The following MAP4K3 variants were observed in gnomAD, a reference collection of about 807,000 sequenced individuals.
MAP4K3 encodes the protein MAPK/ERK kinase kinase kinase 3.
MAP4K3 carries 94 observed loss-of-function variants against 143.5 expected under a neutral mutation model. That is an observed-to-expected ratio of 0.65 (90% CI 0.55 to 0.78). MAP4K3 has a LOEUF of 0.78. Among genes scored for constraint, MAP4K3 ranks in the 30% least tolerant of loss-of-function variants. MAP4K3 has a pLI of 0.00. For synonymous variants in MAP4K3, 416 were observed against 347.2 expected (o/e 1.20, Z -2.20); for missense variants, 1,077 against 1,068.1 (o/e 1.01, Z -0.12).
chr2:39,349,848 A>AT (rs923432249), intron 3 of MAP4K3, among the ~76,000 whole-genome samples: 16 of 152,236 alleles, frequency 1.1e-4, no homozygotes, highest in African/African-American at 2.2e-4. Context: ...CAATACACCC[A>AT]TTTTTTTACA....
chr2:39,297,627 G>A (rs1682337237), intron 16 of MAP4K3, among the ~76,000 whole-genome samples: 1 of 152,108 alleles, frequency 6.6e-6, no homozygotes, highest in Admixed American at 6.5e-5. Flanking sequence ...ACCCGTCAAT[G>A]GAAATCTGTC....
chr2:39,340,114 C>A lies in MAP4K3; in HGVS notation c.311-2533G>T, dbSNP rs1382847275. 2.0e-5 allele frequency among the ~76,000 whole-genome samples: 3 copies of A among 152,082 alleles called. No homozygotes were observed. The East Asian group carries it at 5.8e-4, about 29-fold the overall frequency. Reference sequence around the variant, plus strand: ...AATAAAAGTTAAAGGGGAAACCTTGCAAGCACTAGGATTATTAAAAGAACT... The same window carrying A: ...AATAAAAGTTAAAGGGGAAACCTTGAAAGCACTAGGATTATTAAAAGAACT... On this transcript the variant is annotated intron_variant, in intron 4 of 33. Coordinates refer to ENST00000263881, the MANE Select transcript of MAP4K3 (RefSeq NM_003618.4).
chr2:39,381,253 T>A (rs1666349523), intron 1 of MAP4K3, among the ~76,000 whole-genome samples: 2 of 152,242 alleles, frequency 1.3e-5, no homozygotes, highest in African/African-American at 2.4e-5. Context: ...TGTACACATT[T>A]TTGTGTGGAC....
intron 6 of MAP4K3, among the ~76,000 whole-genome samples, chr2:39,334,026 A>T (rs1683778523): frequency 6.8e-6 from 1 of 147,602 alleles, no homozygotes; most frequent in Admixed American, 6.9e-5. Flanking sequence ...CCTTTCTAGG[A>T]ACTCACCATC....
intron 29 of MAP4K3, 31 bp from the exon 30 acceptor site, chr2:39,258,618 CA>C: frequency 6.9e-7 from 1 of 1,447,492 alleles, no homozygotes; most frequent in Non-Finnish European, 9.7e-7. Context: ...GGTAAACCTA[CA>C]GAAACTGTGA....
intron 4 of MAP4K3, among the ~76,000 whole-genome samples, chr2:39,339,821 C>T (rs1056096436): frequency 2.0e-5 from 3 of 151,794 alleles, no homozygotes; most frequent in African/African-American, 4.8e-5. Flanking sequence ...AACAACAACC[C>T]AAAAAACAAA....
At chr2:39,412,301 C>T (rs918747801) in intron 1 of MAP4K3, among the ~76,000 whole-genome samples, 13 of 152,176 alleles carry the variant, frequency 8.5e-5, no homozygotes, top group African/African-American at 2.4e-4. Context: ...TTCAGCTATA[C>T]GCTGAACAGC....
intron 1 of MAP4K3, among the ~76,000 whole-genome samples, chr2:39,417,771 G>A (rs1232645947): frequency 6.6e-6 from 1 of 152,124 alleles, no homozygotes; most frequent in African/African-American, 2.4e-5. Context: ...CATACTCAGA[G>A]CCCAGATCTT....
intron 1 of MAP4K3, among the ~76,000 whole-genome samples, chr2:39,386,307 C>A (rs1270066619): frequency 6.6e-6 from 1 of 152,228 alleles, no homozygotes; most frequent in Non-Finnish European, 1.5e-5. Context: ...GCCTCCAGAA[C>A]TATGAGAAAA....
intron 15 of MAP4K3, among the ~76,000 whole-genome samples, chr2:39,306,998 G>A (rs1040993798): frequency 6.6e-6 from 1 of 152,184 alleles, no homozygotes; most frequent in Non-Finnish European, 1.5e-5. Context: ...TGTCCAATAG[G>A]ACAGCAACCT....
At chr2:39,415,894 A>G (rs1667355342) in intron 1 of MAP4K3, among the ~76,000 whole-genome samples, 1 of 134,042 alleles carries the variant, frequency 7.5e-6, no homozygotes, top group African/African-American at 2.8e-5. Flanking sequence ...TGGAGGTTGC[A>G]GTGAGTCGAG....
chr2:39,300,736 G>A (rs986908428), intron 15 of MAP4K3, among the ~76,000 whole-genome samples: 3 of 152,174 alleles, frequency 2.0e-5, no homozygotes, highest in African/African-American at 4.8e-5. Context: ...TGGAGCAGCC[G>A]CCTTCCAAGA....
chr2:39,371,163 G>A (rs992292646), intron 2 of MAP4K3, among the ~76,000 whole-genome samples: 9 of 151,974 alleles, frequency 5.9e-5, no homozygotes, highest in Non-Finnish European at 1.3e-4. Context: ...GAAATCTTAG[G>A]GCATCTCACC....
At chr2:39,383,897 G>C (rs1666418153) in intron 1 of MAP4K3, among the ~76,000 whole-genome samples, 1 of 152,054 alleles carries the variant, frequency 6.6e-6, no homozygotes, top group Non-Finnish European at 1.5e-5. Context: ...TTGAGCCCAG[G>C]AGTTCAAGAC....
chr2:39,284,719 C>T (rs1007994273), intron 21 of MAP4K3, among the ~76,000 whole-genome samples: 3 of 151,490 alleles, frequency 2.0e-5, no homozygotes, highest in African/African-American at 7.3e-5. Context: ...TGGCGTGCAC[C>T]TGTAATCCCA....
At chr2:39,315,264 T>C in intron 13 of MAP4K3, 46 bp downstream of exon 13, 1 of 1,300,298 alleles carries the variant, frequency 7.7e-7, no homozygotes, top group Non-Finnish European at 1.1e-6. Flanking sequence ...AAATTATAAC[T>C]TATTTTCTAT....
intron 13 of MAP4K3, among the ~76,000 whole-genome samples, chr2:39,311,455 T>C (rs1244271587): frequency 6.6e-6 from 1 of 152,244 alleles, no homozygotes; most frequent in Non-Finnish European, 1.5e-5. Context: ...GCCTGTAAGA[T>C]GGCCCCCAGT....
At chr2:39,266,435 CCTTT>C (rs1680766930) in intron 27 of MAP4K3, among the ~76,000 whole-genome samples, 3 of 152,366 alleles carry the variant, frequency 2.0e-5, no homozygotes, top group South Asian at 2.1e-4. Flanking sequence ...CTGCCACTCT[CCTTT>C]CTATCATCTG....
chr2:39,303,026 C>G (rs1252948985), intron 15 of MAP4K3: 1 of 166,946 alleles, frequency 6.0e-6, no homozygotes, highest in Non-Finnish European at 1.5e-5. Context: ...CCAAAAACAT[C>G]TTATTGTAGT....
Sources: gnomAD v4.1 joint callset for allele counts (sites outside exome capture counted in the v4.1 genomes callset) on GRCh38, gnomAD v4.1.1 for gene constraint, MANE v1.5 for transcripts, NCBI Gene and HGNC (gene_info 2026-07-23, HGNC 2026-07-21) for gene names.